Variants in SYNPO2 observed in about 807,000 individuals in gnomAD.
SYNPO2 encodes synaptopodin 2.
SYNPO2 carries 56 observed loss-of-function variants against 85.0 expected under a neutral mutation model. The observed-to-expected ratio is 0.66, with a 90% CI of 0.53 to 0.82. The LOEUF (loss-of-function observed/expected upper bound fraction) is 0.82. SYNPO2 is among the 40% of genes least tolerant of loss of function. The pLI, the probability that SYNPO2 is intolerant of heterozygous loss-of-function variation, is 0.00. For synonymous variants in SYNPO2, 602 were observed against 591.1 expected (o/e 1.02, Z -0.27); for missense variants, 1,575 against 1,534.2 (o/e 1.03, Z -0.44).
At chr4:119,007,777 T>C (rs1737138187) in intron 1 of SYNPO2, among the ~76,000 whole-genome samples, 1 of 152,168 alleles carries the variant, frequency 6.6e-6, no homozygotes, top group Admixed American at 6.5e-5. Flanking sequence ...ACCACTGATA[T>C]TGGCGAACCG....
intron 1 of SYNPO2, among the ~76,000 whole-genome samples, chr4:118,941,266 A>T (rs940881478): frequency 2.0e-5 from 3 of 152,072 alleles, no homozygotes; most frequent in African/African-American, 4.8e-5. Context: ...TTAGTTCCTC[A>T]TCTTGAACAT....
At chr4:119,039,380 G>A (rs1375998512) in intron 4 of SYNPO2, among the ~76,000 whole-genome samples, 1 of 152,310 alleles carries the variant, frequency 6.6e-6, no homozygotes, top group Admixed American at 6.5e-5. Context: ...CTCATCAGAA[G>A]TGATGAGTTT....
At chr4:118,991,613 G>T (rs1393788964) in intron 1 of SYNPO2, among the ~76,000 whole-genome samples, 1 of 152,214 alleles carries the variant, frequency 6.6e-6, no homozygotes, top group Non-Finnish European at 1.5e-5. Context: ...TGGGGGAGAA[G>T]AAGAGAAAGA....
rs1737930423 is a variant in SYNPO2, at chr4:119,026,112, T to C, written c.258-515T>C. Among the ~76,000 whole-genome samples, 5 of 152,336 alleles carry C rather than the reference T, an allele frequency of 3.3e-5. No individual in the cohort carries two copies. In the South Asian group the frequency reaches 1.0e-3, roughly 32 times the overall value. On this transcript the variant is annotated intron_variant, in intron 2 of 4. Transcript: ENST00000307142. The stretch of plus-strand genomic sequence containing the variant: ...CACTTATTACGAAACACATGCTCAC[T>C]GGGGCTTAAAAAACAGCTTCTATTT...
chr4:118,968,966 A>G (rs541822555), intron 1 of SYNPO2, among the ~76,000 whole-genome samples: 3 of 152,320 alleles, frequency 2.0e-5, no homozygotes, highest in African/African-American at 7.2e-5. Flanking sequence ...AAAAACGAAA[A>G]CAAAACAGAA....
At chr4:118,985,166 C>T (rs1197106905) in intron 1 of SYNPO2, among the ~76,000 whole-genome samples, 1 of 145,214 alleles carries the variant, frequency 6.9e-6, no homozygotes, top group Admixed American at 7.0e-5. Flanking sequence ...AGCTTCAGAG[C>T]CACTGCTCTA....
At chr4:118,900,703 C>CTATATATATATATATATATATA (rs373144800) in intron 1 of SYNPO2, among the ~76,000 whole-genome samples, 3 of 43,890 alleles carry the variant, frequency 6.8e-5, no homozygotes, top group Admixed American at 2.9e-4. Context: ...CTCTCTCTCT[C>CTATATATATATATATATATATA]TATATATATA....
intron 1 of SYNPO2, among the ~76,000 whole-genome samples, chr4:118,912,667 C>G (rs1001696672): frequency 2.0e-5 from 3 of 152,080 alleles, no homozygotes; most frequent in Non-Finnish European, 4.4e-5. Flanking sequence ...TGGAACTTAT[C>G]TACCTGAAAG....
intron 1 of SYNPO2, among the ~76,000 whole-genome samples, chr4:118,878,550 G>A (rs779686755): frequency 4.4e-4 from 67 of 152,130 alleles, no homozygotes; most frequent in African/African-American, 1.4e-3. Context: ...GCACCAATCC[G>A]CGCTCTGTGT....
chr4:118,879,436 A>G (rs1273572511), intron 1 of SYNPO2, among the ~76,000 whole-genome samples: 1 of 152,178 alleles, frequency 6.6e-6, no homozygotes, highest in Non-Finnish European at 1.5e-5. Context: ...TCATGAGGAT[A>G]GAGCCCTTGT....
At chr4:118,879,145 C>A (rs1732005382) in intron 1 of SYNPO2, among the ~76,000 whole-genome samples, 1 of 152,196 alleles carries the variant, frequency 6.6e-6, no homozygotes, top group African/African-American at 2.4e-5. Flanking sequence ...AAACTCCCGA[C>A]ACATCTGAAC....
intron 1 of SYNPO2, among the ~76,000 whole-genome samples, chr4:118,957,733 T>C (rs1734929797): frequency 6.6e-6 from 1 of 152,190 alleles, no homozygotes; most frequent in African/African-American, 2.4e-5. Flanking sequence ...TCTGCAAAGC[T>C]CTTCCATCTC....
intron 4 of SYNPO2, chr4:119,036,182 T>A: frequency 1.0e-6 from 1 of 985,450 alleles, no homozygotes; most frequent in Non-Finnish European, 1.2e-6. Context: ...GAAGTCATGG[T>A]CATCAAAAAG....
chr4:118,893,199 T>A (rs1732432515), intron 1 of SYNPO2, among the ~76,000 whole-genome samples: 1 of 152,204 alleles, frequency 6.6e-6, no homozygotes, highest in Admixed American at 6.5e-5. Flanking sequence ...TAGAAGTTAG[T>A]GTGCTCTAGA....
At chr4:119,032,929 T>TTGCCCCCCC in intron 4 of SYNPO2, 15 of 905,292 alleles carry the variant, frequency 1.7e-5, no homozygotes, top group South Asian at 5.0e-5. Flanking sequence ...AAAGGTTGAT[T>TTGCCCCCCC]CCCACCCTCC....
chr4:118,956,353 G>C (rs180693877), intron 1 of SYNPO2, among the ~76,000 whole-genome samples: 1 of 152,274 alleles, frequency 6.6e-6, no homozygotes, highest in Admixed American at 6.5e-5. Context: ...GAAGGAAATG[G>C]TTTCAAGGTA....
intron 2 of SYNPO2, among the ~76,000 whole-genome samples, chr4:119,025,550 C>T (rs926742340): frequency 3.3e-5 from 5 of 152,042 alleles, no homozygotes; most frequent in Admixed American, 1.3e-4. Context: ...GAGCATTGGT[C>T]GGAAATTGCA....
At chr4:119,026,178 G>A (rs1037288825) in intron 2 of SYNPO2, among the ~76,000 whole-genome samples, 3 of 151,924 alleles carry the variant, frequency 2.0e-5, no homozygotes, top group Non-Finnish European at 2.9e-5. Flanking sequence ...AGGACTAGTT[G>A]AGTTATCTGT....
intron 1 of SYNPO2, among the ~76,000 whole-genome samples, chr4:118,916,496 G>A (rs2149126366): frequency 6.6e-6 from 1 of 151,730 alleles, no homozygotes; most frequent in East Asian, 1.9e-4. Flanking sequence ...TATAGTTAAT[G>A]GTTTCAGGTT....
Sources: allele counts gnomAD v4.1 joint callset (sites outside exome capture counted in the v4.1 genomes callset), GRCh38; gene constraint gnomAD v4.1.1; transcripts MANE v1.5; gene names NCBI Gene and HGNC (gene_info 2026-07-23, HGNC 2026-07-21).